Variants in MUC13 observed in about 807,000 individuals in gnomAD.
MUC13 encodes mucin 13, cell surface associated.
Under a neutral mutation model 48.3 loss-of-function variants are expected in MUC13, and 32 were observed. That is an observed-to-expected ratio of 0.66 (90% confidence interval 0.50 to 0.89). The LOEUF (loss-of-function observed/expected upper bound fraction) is 0.89. Among genes scored for constraint, MUC13 ranks in the 40% least tolerant of loss-of-function variants. MUC13 has a pLI of 0.00. For missense variants in MUC13, 571 were observed against 622.8 expected (o/e 0.92, Z 0.88); for synonymous variants, 199 against 224.9 (o/e 0.88, Z 1.03).
intron 11 of MUC13, among the ~76,000 whole-genome samples, 183 bp from the exon 12 acceptor site, chr3:124,906,925 C>T (rs937200517): frequency 6.6e-6 from 1 of 152,160 alleles, no homozygotes; most frequent in Non-Finnish European, 1.5e-5. Context: ...ATCTCTTTCC[C>T]AGCTCCCTTT....
intron 4 of MUC13, among the ~76,000 whole-genome samples, chr3:124,921,209 G>A (rs1935588834): frequency 6.6e-6 from 1 of 151,930 alleles, no homozygotes; most frequent in Non-Finnish European, 1.5e-5. Context: ...GAGTGCAGTG[G>A]CATGATCTTG....
In MUC13 at chr3:124,906,557, G is replaced by T. The variant is rs1935323009; in HGVS notation, c.*186C>A. 1 of 152,206 alleles carries T rather than the reference G, an allele frequency of 6.6e-6. No homozygotes were observed. Among genetic ancestry groups the T allele is most frequent in the African/African-American group, 2.4e-5 (1 of 41,450 alleles). The allele number at this position is 152,206 out of a possible 1,614,324, so 9.4% of individuals were successfully genotyped here. A position where few individuals can be genotyped will look rare whatever the true frequency, so the allele number is the denominator to read the frequency against. ...AATGTCATAGATTCTTATTTAGCAAGTGAGCTGGATTCGTTGCAAACATTC... is the reference window on the plus strand; with the variant it reads ...AATGTCATAGATTCTTATTTAGCAATTGAGCTGGATTCGTTGCAAACATTC... On this transcript the variant is annotated 3_prime_UTR_variant, in exon 12 of 12. Transcript: ENST00000616727.
chr3:124,932,071 A>G (rs537842715), intron 1 of MUC13, among the ~76,000 whole-genome samples: 4 of 152,266 alleles, frequency 2.6e-5, no homozygotes, highest in African/African-American at 7.2e-5. Flanking sequence ...ATAATAAAAT[A>G]AATATTTTTT....
At chr3:124,929,933 C>T (rs1025572719) in intron 1 of MUC13, among the ~76,000 whole-genome samples, 18 of 152,242 alleles carry the variant, frequency 1.2e-4, no homozygotes, top group African/African-American at 4.1e-4. Flanking sequence ...AGAATGAAAG[C>T]GGTGGAAATA....
intron 8 of MUC13, 51 bp downstream of exon 8, chr3:124,913,060 C>A: frequency 5.0e-6 from 8 of 1,589,480 alleles, no homozygotes; most frequent in Non-Finnish European, 6.9e-6. Flanking sequence ...GGTCTCTCTA[C>A]TTTGCCTAGC....
chr3:124,920,665 G>A lies in MUC13; in HGVS notation c.745-376C>T, dbSNP rs374049483. Among the ~76,000 whole-genome samples the A allele has an allele frequency of 2.7e-4, 41 of 152,272 alleles. No individual in the cohort carries two copies. The East Asian group carries it at 4.1e-3, about 15-fold the overall frequency. On this transcript the variant is annotated intron_variant, in intron 4 of 11. Transcript: ENST00000616727. ...GTATCTAATCTGATCTCTGAAGACC[G>A]GGGCATAAGGCCTGTAACTGGAGGG...
chr3:124,922,591 CTTTTTT>C (rs1242125220), intron 3 of MUC13, among the ~76,000 whole-genome samples: 1 of 85,452 alleles, frequency 1.2e-5, no homozygotes, highest in Non-Finnish European at 2.3e-5. Flanking sequence ...GTTGCCTAGT[CTTTTTT>C]TTTTTTTTTT....
chr3:124,912,437 C>G (rs1193926955), intron 8 of MUC13, among the ~76,000 whole-genome samples: 1 of 152,150 alleles, frequency 6.6e-6, no homozygotes. Flanking sequence ...AAAGCTGAAC[C>G]CAAGAGGCAT....
intron 1 of MUC13, among the ~76,000 whole-genome samples, chr3:124,934,386 C>T (rs997357765): frequency 6.6e-5 from 10 of 152,192 alleles, no homozygotes; most frequent in African/African-American, 2.4e-4. Flanking sequence ...TTTCAAACTC[C>T]TGACCTCAAG....
chr3:124,920,782 G>T (rs1410081546), intron 4 of MUC13, among the ~76,000 whole-genome samples: 3 of 152,246 alleles, frequency 2.0e-5, no homozygotes, highest in African/African-American at 7.2e-5. Context: ...TTCTTCAGGG[G>T]TTCCCTGGAA....
At chr3:124,922,848 A>T (rs1177641010) in intron 3 of MUC13, among the ~76,000 whole-genome samples, 1 of 151,790 alleles carries the variant, frequency 6.6e-6, no homozygotes, top group Non-Finnish European at 1.5e-5. Context: ...ATTTTTTGTT[A>T]TTGGACTTAG....
intron 10 of MUC13, among the ~76,000 whole-genome samples, chr3:124,908,671 A>G (rs1935355109): frequency 6.6e-6 from 1 of 152,208 alleles, no homozygotes; most frequent in South Asian, 2.1e-4. Context: ...CCTAAGTTTA[A>G]GGTCATGAGC....
At chr3:124,934,070 T>C (rs1935842148) in intron 1 of MUC13, among the ~76,000 whole-genome samples, 2 of 152,244 alleles carry the variant, frequency 1.3e-5, no homozygotes, top group African/African-American at 4.8e-5. Flanking sequence ...AGTAGAGAAC[T>C]GGGTCCTTGC....
chr3:124,914,331 A>AC (rs1442690103), intron 6 of MUC13, among the ~76,000 whole-genome samples: 1 of 151,764 alleles, frequency 6.6e-6, no homozygotes, highest in Non-Finnish European at 1.5e-5. Flanking sequence ...AATTGCTTGA[A>AC]CCTAGGAGGC....
rs1223012501 is a variant in MUC13 at position 124,927,637 on chromosome 3, C to T, written c.409G>A (p.Glu137Lys). 1 of 1,614,172 alleles carries T rather than the reference C, an allele frequency of 6.2e-7. No individual in the cohort carries two copies. The highest frequency in any genetic ancestry group is 1.7e-5 in the Admixed American group (1 of 60,022). Residue 137 changes from glutamate to lysine, a missense_variant, in exon 2 of 12, where the codon GAA (glutamate) becomes AAA (lysine). Glu to Lys is a moderately conservative substitution (Grantham distance 56). Coordinates refer to ENST00000616727, the MANE Select transcript of MUC13 (RefSeq NM_033049.4). ...GACATTTCATTGTTACTTTGTGTTT[C>T]AGAAGGAACCATTGTGATTAATCCA... ...NDGLITMVPS[E>K]TQSNNEMSPT...
intron 2 of MUC13, among the ~76,000 whole-genome samples, chr3:124,925,421 G>A (rs1314687765): frequency 3.9e-5 from 6 of 152,156 alleles, no homozygotes; most frequent in Admixed American, 1.3e-4. Flanking sequence ...ACAGCACCAC[G>A]AGTGATCTCT....
intron 11 of MUC13, among the ~76,000 whole-genome samples, chr3:124,907,569 G>A (rs539430537): frequency 4.6e-5 from 7 of 152,222 alleles, no homozygotes; most frequent in Admixed American, 1.3e-4. Context: ...AGTGAGCCAA[G>A]ATCGTACCAC....
chr3:124,927,403 C>T (rs1935706352), intron 2 of MUC13, 129 bp downstream of exon 2: 3 of 803,690 alleles, frequency 3.7e-6, no homozygotes, highest in Non-Finnish European at 6.0e-6. Flanking sequence ...TTCAAGCCCA[C>T]AGTTCATTTC....
At position 124,927,927 on chromosome 3, in the gene MUC13, A is replaced by G; in HGVS notation, c.119T>C (p.Val40Ala). The G allele has an allele frequency of 6.2e-7, 1 of 1,601,168 alleles. No homozygotes were observed. Among genetic ancestry groups the G allele is most frequent in the South Asian group, 1.1e-5 (1 of 87,898 alleles). ...TTETATSGPTVAAADTTETNF... is the reference protein window; with the variant it reads ...TTETATSGPTAAAADTTETNF... The stretch of plus-strand genomic sequence containing the variant: ...AGTTTCAGTGGTATCAGCTGCAGCT[A>G]CTGTAGGACCACTAGTCGCAGTTTC... The change falls in exon 2 of 12, where the codon GTA (valine) becomes GCA (alanine). Residue 40 changes from valine to alanine, a missense_variant. By Grantham distance (64) the Val-to-Ala change is moderately conservative. Coordinates refer to ENST00000616727, the MANE Select transcript of MUC13 (RefSeq NM_033049.4).
Sources: allele counts gnomAD v4.1 joint callset (sites outside exome capture counted in the v4.1 genomes callset), GRCh38; gene constraint gnomAD v4.1.1; transcripts MANE v1.5; gene names NCBI Gene and HGNC (gene_info 2026-07-23, HGNC 2026-07-21).